Variants in HIBADH observed in about 807,000 individuals in gnomAD.
HIBADH encodes 3-hydroxyisobutyrate dehydrogenase, mitochondrial.
Under a neutral mutation model 36.1 loss-of-function variants are expected in HIBADH, and 25 were observed. That is an observed-to-expected ratio of 0.69 (90% CI 0.50 to 0.97). HIBADH has a LOEUF of 0.97. Ranked by LOEUF, HIBADH falls within the 50% of genes least tolerant of loss-of-function variation. The probability of loss-of-function intolerance (pLI) is 0.00; values close to 1 mark genes in which losing one functional copy is unlikely to be tolerated. For synonymous variants in HIBADH, 160 were observed against 149.5 expected, an observed-to-expected ratio of 1.07 and a Z score of -0.51; for missense variants, 421 against 418.0, an observed-to-expected ratio of 1.01 and a Z score of -0.06.
chr7:27,603,073 GC>G (rs1340267036), intron 4 of HIBADH, among the ~76,000 whole-genome samples: 1 of 151,996 alleles, frequency 6.6e-6, no homozygotes, highest in Non-Finnish European at 1.5e-5. Flanking sequence ...GCTTGCTCAT[GC>G]CCCCTCACCC....
chr7:27,594,422 C>T (rs191376131), intron 4 of HIBADH, among the ~76,000 whole-genome samples: 12 of 152,080 alleles, frequency 7.9e-5, no homozygotes, highest in Admixed American at 2.6e-4. Flanking sequence ...GGATTACAGG[C>T]GTGAGCCACT....
At chr7:27,647,707 G>A (rs934677703) in intron 2 of HIBADH, 1 of 417,214 alleles carries the variant, frequency 2.4e-6, no homozygotes, top group Non-Finnish European at 5.0e-6. Flanking sequence ...TAAGAAACTT[G>A]TTGGGAAACA....
In HIBADH at chr7:27,527,942, T is replaced by C. The variant is rs866808825; in HGVS notation, c.853-1570A>G. On this transcript the variant is annotated intron_variant, in intron 7 of 7. Transcript: ENST00000265395. The stretch of plus-strand genomic sequence containing the variant: ...CGTTTTTTTTTTTTTTTTTTTTTTT[T>C]AGTAGAGACAGGGTTTCACCATGTT... Among the ~76,000 whole-genome samples, 3 of 115,200 alleles carry C rather than the reference T, an allele frequency of 2.6e-5. No homozygotes were observed. In the Admixed American group the frequency reaches 2.7e-4, roughly 10 times the overall value. 75.6% of individuals were successfully genotyped at this position (115,200 alleles called of 152,430 possible). A position where few individuals can be genotyped will look rare whatever the true frequency, so the allele number is the denominator to read the frequency against.
intron 4 of HIBADH, among the ~76,000 whole-genome samples, chr7:27,560,438 A>G (rs1376177856): frequency 6.6e-6 from 1 of 152,120 alleles, no homozygotes; most frequent in Non-Finnish European, 1.5e-5. Flanking sequence ...TTTATTTTAA[A>G]TATTTTTTAT....
chr7:27,655,496 C>T (rs2128297788), intron 1 of HIBADH, among the ~76,000 whole-genome samples: 1 of 152,220 alleles, frequency 6.6e-6, no homozygotes, highest in South Asian at 2.1e-4. Context: ...ATATGGATGT[C>T]AGTTATATTA....
intron 2 of HIBADH, among the ~76,000 whole-genome samples, chr7:27,637,773 T>G (rs1260452533): frequency 1.3e-5 from 2 of 151,968 alleles, no homozygotes; most frequent in African/African-American, 4.8e-5. Context: ...CAAAAATAAC[T>G]AACATTCCTA....
intron 4 of HIBADH, among the ~76,000 whole-genome samples, chr7:27,597,112 A>G (rs1009577572): frequency 3.3e-5 from 5 of 152,124 alleles, no homozygotes; most frequent in African/African-American, 1.2e-4. Flanking sequence ...TAAGGCAGGA[A>G]TAAAAGTACA....
At chr7:27,636,321 C>T (rs997609940) in intron 2 of HIBADH, among the ~76,000 whole-genome samples, 1 of 152,214 alleles carries the variant, frequency 6.6e-6, no homozygotes, top group Admixed American at 6.5e-5. Flanking sequence ...AAACTTGCCA[C>T]TCCTGTGTTT....
chr7:27,541,367 C>T (rs923017749), intron 5 of HIBADH, among the ~76,000 whole-genome samples: 2 of 152,098 alleles, frequency 1.3e-5, no homozygotes, highest in African/African-American at 2.4e-5. Context: ...AGATCCTTCA[C>T]TTTCTTTTTG....
chr7:27,568,842 G>A (rs1277187057), intron 4 of HIBADH, among the ~76,000 whole-genome samples: 4 of 151,260 alleles, frequency 2.6e-5, no homozygotes, highest in African/African-American at 9.7e-5. Flanking sequence ...TGTATTTGGG[G>A]CTCACTGAGC....
At chr7:27,650,151 T>C (rs950584069) in intron 1 of HIBADH, among the ~76,000 whole-genome samples, 5 of 151,948 alleles carry the variant, frequency 3.3e-5, no homozygotes, top group Admixed American at 1.3e-4. Flanking sequence ...CCATATTATC[T>C]CCCTTAATAA....
At chr7:27,646,787 C>T (rs1786080865) in intron 2 of HIBADH, among the ~76,000 whole-genome samples, 1 of 150,898 alleles carries the variant, frequency 6.6e-6, no homozygotes, top group Non-Finnish European at 1.5e-5. Flanking sequence ...CCTCCGCCTC[C>T]TGGACTCAAG....
At chr7:27,608,361 T>C (rs1288063045) in intron 4 of HIBADH, among the ~76,000 whole-genome samples, 3 of 152,180 alleles carry the variant, frequency 2.0e-5, no homozygotes, top group Admixed American at 6.5e-5. Context: ...TACTATGAAA[T>C]TTGCATGTAA....
chr7:27,596,152 T>C lies in HIBADH; in HGVS notation c.484+33219A>G, dbSNP rs138257778. ...AGTCAAGGTGCCAGCAGGTCTGTTG[T>C]CTGGTGAGGGTTCCAGCTCTGCCTC... On this transcript the variant is annotated intron_variant, in intron 4 of 7. Coordinates refer to ENST00000265395, the MANE Select transcript of HIBADH (RefSeq NM_152740.4). 3.7e-3 allele frequency among the ~76,000 whole-genome samples: 561 copies of C among 152,322 alleles called. 1 individual carries two copies. The highest frequency in any genetic ancestry group is 0.013 in the African/African-American group (540 of 41,560).
chr7:27,658,973 C>T (rs56282178), intron 1 of HIBADH, among the ~76,000 whole-genome samples: 1,647 of 151,908 alleles, frequency 0.011, 22 homozygotes, highest in African/African-American at 0.033. Context: ...TTTTAGGCCC[C>T]GGACCATGAG....
At chr7:27,640,725 A>G (rs1005717925) in intron 2 of HIBADH, among the ~76,000 whole-genome samples, 1 of 152,208 alleles carries the variant, frequency 6.6e-6, no homozygotes, top group African/African-American at 2.4e-5. Flanking sequence ...CGAACATCAG[A>G]GAGAGCACTT....
intron 4 of HIBADH, among the ~76,000 whole-genome samples, chr7:27,584,877 A>G (rs995336209): frequency 1.3e-5 from 2 of 152,152 alleles, no homozygotes; most frequent in East Asian, 1.9e-4. Flanking sequence ...CTTTTGCACC[A>G]TGAGTATTAT....
At chr7:27,659,540 C>A (rs1460439204) in intron 1 of HIBADH, among the ~76,000 whole-genome samples, 1 of 151,360 alleles carries the variant, frequency 6.6e-6, no homozygotes, top group Non-Finnish European at 1.5e-5. Context: ...CATGGTGAGA[C>A]CCCATCTCTA....
Position 27,654,609 on chromosome 7 carries a change from C to T in HIBADH, c.92-4976G>A, listed in dbSNP as rs4722727. On this transcript the variant is annotated intron_variant, in intron 1 of 7. Transcript: ENST00000265395. ...CAACTATCAAGCTAGAAATCTATAACCAAGAAAAATATACAAATATTTGTA... is the reference window on the plus strand; with the variant it reads ...CAACTATCAAGCTAGAAATCTATAATCAAGAAAAATATACAAATATTTGTA... Among the ~76,000 whole-genome samples, 1,000 of 151,956 alleles carry T rather than the reference C, an allele frequency of 6.6e-3. 8 individuals are homozygous for T. The highest frequency in any genetic ancestry group is 0.018 in the African/African-American group (762 of 41,440).
Sources: allele counts gnomAD v4.1 joint callset (sites outside exome capture counted in the v4.1 genomes callset), GRCh38; gene constraint gnomAD v4.1.1; transcripts MANE v1.5; gene names NCBI Gene and HGNC (gene_info 2026-07-23, HGNC 2026-07-21).